TMEM131: variants seen among roughly 807,000 people sequenced by gnomAD.
TMEM131 encodes transmembrane protein 131.
TMEM131 carries 66 observed loss-of-function variants against 211.6 expected under a neutral mutation model. The ratio of observed to expected loss-of-function variants is 0.31; its 90% CI spans 0.26 to 0.38. TMEM131 has a LOEUF of 0.38. Among genes scored for constraint, TMEM131 ranks in the 10% least tolerant of loss-of-function variants. The pLI is 1.00. For missense variants in TMEM131, 2,036 were observed against 2,299.3 expected, an observed-to-expected ratio of 0.89 and a Z score of 2.34; for synonymous variants, 844 against 841.3, an observed-to-expected ratio of 1.00 and a Z score of -0.06.
At chr2:97,763,613 A>G (rs1486006695) in intron 35 of TMEM131, 1 of 152,448 alleles carries the variant, frequency 6.6e-6, no homozygotes, top group Non-Finnish European at 1.5e-5. Flanking sequence ...TCGGCTTGCT[A>G]TTTGTACAAC....
In TMEM131 at chr2:97,841,952, GA is replaced by G. The variant is rs758243822; in HGVS notation, c.601-16del. 5 of 1,504,834 alleles carry G rather than the reference GA, an allele frequency of 3.3e-6. No homozygotes were observed. Among genetic ancestry groups the G allele is most frequent in the African/African-American group, 1.4e-5 (1 of 71,440 alleles). The allele number at this position is 1,504,834 out of a possible 1,614,324, so 93.2% of individuals were successfully genotyped here. On this transcript the variant is annotated splice_polypyrimidine_tract_variant and intron_variant, in intron 6 of 40. Coordinates refer to ENST00000186436, the MANE Select transcript of TMEM131 (RefSeq NM_015348.2). The stretch of plus-strand genomic sequence containing the variant: ...ACACCAAATACCTGTTTCAGTGGAG[GA>G]AAAAAATGCAATTTTAGTTGCTTTT...
rs1354759644 is a variant in TMEM131, at chr2:97,795,037, A to T, written c.3279T>A (p.Phe1093Leu). ...FITTSGSEFV[F>L]ILNASLPYHM... ...GGTAAGGAAGGGATGCATTCAATAT[A>T]AATACAAACTCAGAGCCACTGGTTG... Residue 1093 changes from phenylalanine (F) to leucine (L), a missense_variant, in exon 29 of 41, where the codon TTT becomes TTA. Physicochemically the swap from Phe to Leu is conservative, Grantham distance 22 (BLOSUM62 0). Around this residue, in one of 3 missense-constraint regions of TMEM131, gnomAD observed 1,623 missense variants for 1,805.9 expected, o/e 0.90. Coordinates refer to ENST00000186436, the MANE Select transcript of TMEM131 (RefSeq NM_015348.2). 2.5e-6 allele frequency: 4 copies of T among 1,613,824 alleles called. No homozygotes were observed. The highest frequency in any genetic ancestry group is 3.4e-6 in the Non-Finnish European group (4 of 1,179,720).
intron 3 of TMEM131, among the ~76,000 whole-genome samples, chr2:97,905,786 T>C (rs1302957254): frequency 1.3e-5 from 2 of 152,180 alleles, no homozygotes; most frequent in Admixed American, 6.6e-5. Context: ...ACACATAAAA[T>C]TGATGTATTA....
chr2:97,924,261 T>C (rs1297473910), intron 2 of TMEM131, among the ~76,000 whole-genome samples: 1 of 152,178 alleles, frequency 6.6e-6, no homozygotes, highest in Non-Finnish European at 1.5e-5. Flanking sequence ...CATGTGCCTG[T>C]AGTCCCAGCT....
intron 7 of TMEM131, among the ~76,000 whole-genome samples, chr2:97,840,545 G>A (rs1053818533): frequency 1.3e-5 from 2 of 152,196 alleles, no homozygotes; most frequent in Non-Finnish European, 2.9e-5. Context: ...AACCATGACC[G>A]TGCCACTGCA....
intron 1 of TMEM131, among the ~76,000 whole-genome samples, chr2:97,942,804 C>G (rs757864518): frequency 1.1e-4 from 17 of 151,908 alleles, no homozygotes; most frequent in Non-Finnish European, 2.2e-4. Context: ...ATATCCTTCA[C>G]AAGCTTTTTT....
At chr2:97,814,516 C>A in intron 13 of TMEM131, 128 bp from the exon 14 acceptor site, 1 of 960,756 alleles carries the variant, frequency 1.0e-6, no homozygotes, top group Non-Finnish European at 1.5e-6. Context: ...AGATTTAGAA[C>A]TATAATATTT....
At chr2:97,948,666 TA>T (rs1453912519) in intron 1 of TMEM131, among the ~76,000 whole-genome samples, 1 of 152,148 alleles carries the variant, frequency 6.6e-6, no homozygotes, top group South Asian at 2.1e-4. Context: ...TTTTTTTATT[TA>T]TTTTTTTTGA....
chr2:97,939,478 G>C (rs1677615503), intron 1 of TMEM131, among the ~76,000 whole-genome samples: 1 of 152,146 alleles, frequency 6.6e-6, no homozygotes, highest in Admixed American at 6.5e-5. Context: ...AAACCAGAAA[G>C]AAGTTGAATC....
Position 97,761,026 on chromosome 2 carries a change from C to T in TMEM131, c.4890-112G>A. On this transcript the variant is annotated intron_variant, in intron 36 of 40. Transcript: ENST00000186436. ...AGTGGGCTTCTCTGCAGCGGGGCAG[C>T]TCACAGAGCATCGCTCAGCCTCATG... 4 of 1,424,042 alleles carry T rather than the reference C, an allele frequency of 2.8e-6. No individual in the cohort carries two copies. In the South Asian group the frequency reaches 5.1e-5, roughly 18 times the overall value. The allele number at this position is 1,424,042 out of a possible 1,614,324, so 88.2% of individuals were successfully genotyped here.
At chr2:97,955,646 C>T (rs1172518070) in intron 1 of TMEM131, among the ~76,000 whole-genome samples, 3 of 152,026 alleles carry the variant, frequency 2.0e-5, no homozygotes, top group Non-Finnish European at 4.4e-5. Flanking sequence ...TTTCTATATA[C>T]TAACAATGAA....
chr2:97,843,471 GACT>G (rs1430950194), intron 6 of TMEM131, among the ~76,000 whole-genome samples: 2 of 152,160 alleles, frequency 1.3e-5, no homozygotes, highest in Non-Finnish European at 2.9e-5. Context: ...GAGTAGCTGA[GACT>G]ACAAGTGCTC....
chr2:97,989,687 C>G (rs1292453314), intron 1 of TMEM131, among the ~76,000 whole-genome samples: 1 of 152,188 alleles, frequency 6.6e-6, no homozygotes, highest in East Asian at 1.9e-4. Context: ...TCTATCATGA[C>G]TGACCATCTA....
chr2:97,791,061 C>T (rs1680478912), intron 31 of TMEM131, among the ~76,000 whole-genome samples: 1 of 152,188 alleles, frequency 6.6e-6, no homozygotes, highest in African/African-American at 2.4e-5. Context: ...GGGACTGATA[C>T]AGGCTTGGAA....
intron 31 of TMEM131, among the ~76,000 whole-genome samples, chr2:97,782,067 A>G (rs931475282): frequency 6.6e-6 from 1 of 152,248 alleles, no homozygotes; most frequent in African/African-American, 2.4e-5. Flanking sequence ...TGAGCCTTTC[A>G]TTCCAGACAG....
intron 4 of TMEM131, among the ~76,000 whole-genome samples, chr2:97,865,829 T>C (rs1460961194): frequency 6.6e-6 from 1 of 152,226 alleles, no homozygotes; most frequent in East Asian, 1.9e-4. Flanking sequence ...TTTGATTGTT[T>C]CATAGAATCC....
chr2:97,905,037 TA>T (rs1676010891), intron 3 of TMEM131, among the ~76,000 whole-genome samples: 1 of 152,216 alleles, frequency 6.6e-6, no homozygotes, highest in African/African-American at 2.4e-5. Context: ...AAACATTTTT[TA>T]TATTTTTCCA....
chr2:97,943,547 T>C (rs1313726935), intron 1 of TMEM131, among the ~76,000 whole-genome samples: 1 of 152,204 alleles, frequency 6.6e-6, no homozygotes, highest in Non-Finnish European at 1.5e-5. Context: ...ATATCTGGTA[T>C]TCATAAGCTA....
At chr2:97,794,847 G>A (rs1391249874) in intron 29 of TMEM131, 83 bp downstream of exon 29, 14 of 1,201,996 alleles carry the variant, frequency 1.2e-5, no homozygotes, top group Non-Finnish European at 1.6e-5. Flanking sequence ...CTAGCACTCA[G>A]AACAGTGGCT....
Sources: gnomAD v4.1 joint callset for allele counts (sites outside exome capture counted in the v4.1 genomes callset) on GRCh38, gnomAD v4.1.1 for gene constraint, gnomAD v4.1.1 regional missense constraint, MANE v1.5 for transcripts, NCBI Gene and HGNC (gene_info 2026-07-23, HGNC 2026-07-21) for gene names.